MNAT1: variants seen among roughly 807,000 people sequenced by gnomAD.
MNAT1 encodes the protein CDK-activating kinase assembly factor MAT1.
A neutral mutation model predicts 42.0 loss-of-function variants in MNAT1; 43 were observed. That is an observed-to-expected ratio of 1.02 (90% CI 0.80 to 1.32). MNAT1 has a LOEUF of 1.32. MNAT1 is among the 40% of genes most tolerant of loss of function. The pLI, the probability that MNAT1 is intolerant of heterozygous loss-of-function variation, is 0.00. For missense variants in MNAT1, 306 were observed against 350.4 expected (o/e 0.87, Z 1.01); for synonymous variants, 118 against 120.0 (o/e 0.98, Z 0.11).
Position 60,945,155 on chromosome 14 carries a change from C to T in MNAT1, c.810-23074C>T, listed in dbSNP as rs931539164. Among the ~76,000 whole-genome samples, 6 of 152,130 alleles carry T rather than the reference C, an allele frequency of 3.9e-5. No individual in the cohort carries two copies. In the East Asian group the frequency reaches 1.2e-3, roughly 29 times the overall value. On this transcript the variant is annotated intron_variant, in intron 7 of 7. Transcript: ENST00000261245. ...AAGCTTAGTAGTATACTTTCTTGTT[C>T]AAGGTATACTTCAGGGGTTAAGAAT... is the stretch of plus-strand genomic sequence containing the variant.
At chr14:60,831,384 G>A (rs2033210788) in intron 6 of MNAT1, among the ~76,000 whole-genome samples, 1 of 152,074 alleles carries the variant, frequency 6.6e-6, no homozygotes, top group Non-Finnish European at 1.5e-5. Context: ...GTGTCCATGT[G>A]TTCTCATTGT....
chr14:60,926,253 T>C (rs1594880283), intron 7 of MNAT1, among the ~76,000 whole-genome samples: 1 of 152,200 alleles, frequency 6.6e-6, no homozygotes, highest in South Asian at 2.1e-4. Flanking sequence ...TTGTGGGGTT[T>C]TCCCCCCACA....
At chr14:60,735,932 G>T (rs1476139933) in intron 1 of MNAT1, among the ~76,000 whole-genome samples, 1 of 152,192 alleles carries the variant, frequency 6.6e-6, no homozygotes, top group Non-Finnish European at 1.5e-5. Flanking sequence ...ACAGTGTGTA[G>T]ACAAGGTCTC....
At chr14:60,864,743 A>G (rs1049064306) in intron 6 of MNAT1, among the ~76,000 whole-genome samples, 2 of 151,912 alleles carry the variant, frequency 1.3e-5, no homozygotes, top group African/African-American at 4.8e-5. Flanking sequence ...TTTAGAGTAG[A>G]TTTAATTGCA....
intron 6 of MNAT1, among the ~76,000 whole-genome samples, chr14:60,826,309 T>A (rs2033052874): frequency 3.6e-4 from 1 of 2,772 alleles, no homozygotes; most frequent in Non-Finnish European, 3.4e-3. Context: ...TAGGAGAAAT[T>A]TTTTTTTTTT....
chr14:60,808,583 A>T lies in MNAT1; in HGVS notation c.420+155A>T, dbSNP rs1409103289. 1.0e-5 allele frequency: 5 copies of T among 481,632 alleles called. No homozygotes were observed. In the East Asian group the frequency reaches 1.5e-4, roughly 15 times the overall value. The allele number at this position is 481,632 out of a possible 1,614,324, so 29.8% of individuals were successfully genotyped here. A position where few individuals can be genotyped will look rare whatever the true frequency, so the allele number is the denominator to read the frequency against. On this transcript the variant is annotated intron_variant, in intron 4 of 7. Transcript: ENST00000261245. ...ATGAATATATGCTGTATAGGTATGT[A>T]GGTAGGCAGGCACACATTACTGTAG...
chr14:60,822,284 T>C (rs2032911617), intron 6 of MNAT1, among the ~76,000 whole-genome samples: 1 of 152,204 alleles, frequency 6.6e-6, no homozygotes, highest in Non-Finnish European at 1.5e-5. Context: ...ATGTAAAAGT[T>C]TTTGAAGATC....
At chr14:60,755,503 T>A (rs2030311246) in intron 1 of MNAT1, among the ~76,000 whole-genome samples, 1 of 152,168 alleles carries the variant, frequency 6.6e-6, no homozygotes, top group Non-Finnish European at 1.5e-5. Flanking sequence ...TCTTGAACTC[T>A]TAGGCTCAAG....
At chr14:60,851,176 G>C (rs1021036305) in intron 6 of MNAT1, among the ~76,000 whole-genome samples, 1 of 152,168 alleles carries the variant, frequency 6.6e-6, no homozygotes, top group Non-Finnish European at 1.5e-5. Context: ...TGTAAAGTAA[G>C]TCAAAGCCTT....
chr14:60,821,274 G>A (rs1198236784), intron 6 of MNAT1, among the ~76,000 whole-genome samples: 5 of 152,024 alleles, frequency 3.3e-5, no homozygotes, highest in Non-Finnish European at 5.9e-5. Context: ...GGGCTACCAC[G>A]CCTGGCCCAT....
At chr14:60,790,057 C>T (rs549629305) in intron 1 of MNAT1, among the ~76,000 whole-genome samples, 1 of 151,906 alleles carries the variant, frequency 6.6e-6, no homozygotes, top group South Asian at 2.1e-4. Flanking sequence ...TTTGAGGTAA[C>T]TTGTGGGATA....
chr14:60,860,706 C>G (rs1481226081), intron 6 of MNAT1, among the ~76,000 whole-genome samples: 1 of 151,998 alleles, frequency 6.6e-6, no homozygotes, highest in Non-Finnish European at 1.5e-5. Flanking sequence ...TTTGACTGTT[C>G]AGAACTCTAA....
chr14:60,858,644 A>G (rs2034021085), intron 6 of MNAT1, among the ~76,000 whole-genome samples: 1 of 152,156 alleles, frequency 6.6e-6, no homozygotes, highest in Admixed American at 6.5e-5. Context: ...TGAAAGGAAG[A>G]GTAAATCAAT....
At chr14:60,950,724 C>T (rs533597365) in intron 7 of MNAT1, among the ~76,000 whole-genome samples, 2 of 152,260 alleles carry the variant, frequency 1.3e-5, no homozygotes, top group African/African-American at 4.8e-5. Context: ...TATAGCTTAC[C>T]CTTCATTCAA....
At chr14:60,921,816 T>C (rs776699460) in intron 7 of MNAT1, among the ~76,000 whole-genome samples, 3 of 152,034 alleles carry the variant, frequency 2.0e-5, no homozygotes, top group Non-Finnish European at 4.4e-5. Context: ...GAATGGAAAA[T>C]GGGGATGGTT....
intron 4 of MNAT1, among the ~76,000 whole-genome samples, chr14:60,810,297 A>T (rs1179694525): frequency 6.6e-6 from 1 of 151,794 alleles, no homozygotes; most frequent in Non-Finnish European, 1.5e-5. Context: ...TAATTTTGTT[A>T]ATTTTTTCTG....
chr14:60,932,106 CTT>C (rs2035899796), intron 7 of MNAT1, among the ~76,000 whole-genome samples: 1 of 151,744 alleles, frequency 6.6e-6, no homozygotes, highest in African/African-American at 2.4e-5. Flanking sequence ...TAGTATATGT[CTT>C]TAATTTTTGC....
intron 7 of MNAT1, among the ~76,000 whole-genome samples, chr14:60,904,052 T>C (rs1050110759): frequency 6.6e-6 from 1 of 152,056 alleles, no homozygotes; most frequent in Non-Finnish European, 1.5e-5. Flanking sequence ...TTGTATTTTT[T>C]AGTAGAGATG....
intron 6 of MNAT1, among the ~76,000 whole-genome samples, chr14:60,825,220 A>G (rs891521886): frequency 1.3e-5 from 2 of 152,220 alleles, no homozygotes; most frequent in East Asian, 3.8e-4. Flanking sequence ...CACAGCACTA[A>G]ATACCCACTA....
Sources: allele counts gnomAD v4.1 joint callset (sites outside exome capture counted in the v4.1 genomes callset), GRCh38; gene constraint gnomAD v4.1.1; transcripts MANE v1.5; gene names NCBI Gene and HGNC (gene_info 2026-07-23, HGNC 2026-07-21).